Variants in MAP2K6 observed in about 807,000 individuals in gnomAD.
MAP2K6 encodes dual specificity mitogen-activated protein kinase kinase 6.
MAP2K6 carries 16 observed loss-of-function variants against 53.7 expected under a neutral mutation model. The ratio of observed to expected loss-of-function variants is 0.30; its 90% CI spans 0.20 to 0.45. The LOEUF is 0.45. Ranked by LOEUF, MAP2K6 falls within the 20% of genes least tolerant of loss-of-function variation. The pLI, the probability that MAP2K6 is intolerant of heterozygous loss-of-function variation, is 1.00. For synonymous variants in MAP2K6, 132 were observed against 143.1 expected (o/e 0.92, Z 0.55); for missense variants, 204 against 411.9 (o/e 0.50, Z 4.37).
intron 1 of MAP2K6, among the ~76,000 whole-genome samples, chr17:69,428,720 A>G (rs1297713919): frequency 6.6e-6 from 1 of 152,112 alleles, no homozygotes; most frequent in African/African-American, 2.4e-5. Context: ...GAAGATCAGG[A>G]GTCTGTTGGT....
chr17:69,483,769 T>A (rs1908428972), intron 1 of MAP2K6, among the ~76,000 whole-genome samples: 1 of 152,008 alleles, frequency 6.6e-6, no homozygotes, highest in Non-Finnish European at 1.5e-5. Context: ...TGGAATAGAA[T>A]CGAAAGTCCA....
chr17:69,513,718 A>T (rs1909990862), intron 2 of MAP2K6, among the ~76,000 whole-genome samples: 1 of 152,212 alleles, frequency 6.6e-6, no homozygotes, highest in Admixed American at 6.5e-5. Flanking sequence ...ATATATATAA[A>T]ATATAAGAAT....
intron 1 of MAP2K6, among the ~76,000 whole-genome samples, chr17:69,491,296 A>C (rs1348067610): frequency 2.0e-5 from 3 of 152,138 alleles, no homozygotes; most frequent in Non-Finnish European, 4.4e-5. Context: ...GGCACGTGCC[A>C]CCACGCCCGG....
At chr17:69,483,452 A>G (rs1030277680) in intron 1 of MAP2K6, among the ~76,000 whole-genome samples, 2 of 152,094 alleles carry the variant, frequency 1.3e-5, no homozygotes, top group African/African-American at 2.4e-5. Flanking sequence ...TTATTAAAGA[A>G]GATCTAAATA....
At chr17:69,472,677 T>C (rs1213752520) in intron 1 of MAP2K6, among the ~76,000 whole-genome samples, 1 of 152,170 alleles carries the variant, frequency 6.6e-6, no homozygotes, top group African/African-American at 2.4e-5. Flanking sequence ...CTGGAGTAAT[T>C]GGCAACATCA....
chr17:69,529,432 C>T (rs1052086329), intron 10 of MAP2K6, among the ~76,000 whole-genome samples: 7 of 151,876 alleles, frequency 4.6e-5, no homozygotes, highest in Non-Finnish European at 1.0e-4. Context: ...GGAATTTTCT[C>T]CGAAGAATCA....
In MAP2K6 at chr17:69,541,951, A is replaced by G. The variant is rs975640815; in HGVS notation, c.*198A>G. ...CTATAGTATAGAATGAACTGTCTAG[A>G]TGGATGAATTATGATAAAGGCTTAG... On this transcript the variant is annotated 3_prime_UTR_variant, in exon 12 of 12. Coordinates refer to ENST00000590474, the MANE Select transcript of MAP2K6 (RefSeq NM_002758.4). 2 of 402,416 alleles carry G rather than the reference A, an allele frequency of 5.0e-6. No individual in the cohort carries two copies. The highest frequency in any genetic ancestry group is 4.1e-5 in the African/African-American group (2 of 48,446). 24.9% of individuals were successfully genotyped at this position (402,416 alleles called of 1,614,324 possible). A position where few individuals can be genotyped will look rare whatever the true frequency, so the allele number is the denominator to read the frequency against.
chr17:69,500,657 G>A (rs1249843340), intron 1 of MAP2K6, among the ~76,000 whole-genome samples: 1 of 151,726 alleles, frequency 6.6e-6, no homozygotes, highest in African/African-American at 2.4e-5. Context: ...TCAGGAGGCT[G>A]AGGCAGGAGA....
chr17:69,502,439 G>T, intron 1 of MAP2K6: 1 of 985,450 alleles, frequency 1.0e-6, no homozygotes. Flanking sequence ...GCAGAGTGTT[G>T]CTGTGTGTGC....
chr17:69,512,337 T>C (rs1909881938), intron 2 of MAP2K6, among the ~76,000 whole-genome samples: 1 of 73,594 alleles, frequency 1.4e-5, no homozygotes, highest in South Asian at 5.0e-4. Flanking sequence ...TGTTTTTTTT[T>C]TGTTTTTTTT....
chr17:69,428,119 A>C (rs575666628), intron 1 of MAP2K6, among the ~76,000 whole-genome samples: 1 of 152,186 alleles, frequency 6.6e-6, no homozygotes, highest in East Asian at 1.9e-4. Flanking sequence ...GAATCCTCTT[A>C]CTACCCTCAA....
At chr17:69,537,904 A>G (rs1309914790) in intron 11 of MAP2K6, among the ~76,000 whole-genome samples, 1 of 152,022 alleles carries the variant, frequency 6.6e-6, no homozygotes, top group Non-Finnish European at 1.5e-5. Flanking sequence ...GGTTCTGTTT[A>G]CTCTTTTTAA....
At chr17:69,466,560 TC>T (rs2145176553) in intron 1 of MAP2K6, among the ~76,000 whole-genome samples, 1 of 152,318 alleles carries the variant, frequency 6.6e-6, no homozygotes, top group East Asian at 1.9e-4. Flanking sequence ...CGGCACTGCA[TC>T]CCCTCCAGTG....
chr17:69,541,142 A>G (rs1406088522), intron 11 of MAP2K6, among the ~76,000 whole-genome samples: 1 of 152,184 alleles, frequency 6.6e-6, no homozygotes, highest in Non-Finnish European at 1.5e-5. Context: ...ATGCACCTGT[A>G]ATCCCAGCTA....
intron 10 of MAP2K6, among the ~76,000 whole-genome samples, chr17:69,532,266 G>T (rs962694397): frequency 6.6e-6 from 1 of 152,172 alleles, no homozygotes; most frequent in African/African-American, 2.4e-5. Flanking sequence ...CTTGAAACGC[G>T]CAATGTGTTT....
intron 1 of MAP2K6, among the ~76,000 whole-genome samples, chr17:69,481,405 T>C (rs1007686723): frequency 2.0e-5 from 3 of 152,196 alleles, no homozygotes; most frequent in Admixed American, 6.5e-5. Flanking sequence ...TATTTATCTG[T>C]CAGTGGACAC....
intron 1 of MAP2K6, among the ~76,000 whole-genome samples, chr17:69,430,527 C>T (rs1906428940): frequency 6.6e-6 from 1 of 152,198 alleles, no homozygotes; most frequent in Non-Finnish European, 1.5e-5. Context: ...CTTTGTTCAT[C>T]TAGCTATTAT....
chr17:69,543,486 C>T lies in MAP2K6; in HGVS notation c.*1733C>T. On this transcript the variant is annotated 3_prime_UTR_variant, in exon 12 of 12. Coordinates refer to ENST00000590474, the MANE Select transcript of MAP2K6 (RefSeq NM_002758.4). ...TATCTGCTTGATTAAACATGAGCTT[C>T]CTCTGCTCTGAAGCTACCTCTGTCC... 6.6e-6 allele frequency: 1 copy of T among 152,156 alleles called. No homozygotes were observed. Among genetic ancestry groups the T allele is most frequent in the East Asian group, 1.9e-4 (1 of 5,184 alleles). 9.4% of individuals were successfully genotyped at this position (152,156 alleles called of 1,614,324 possible).
intron 1 of MAP2K6, among the ~76,000 whole-genome samples, chr17:69,425,606 C>T (rs1028601158): frequency 5.9e-5 from 9 of 152,198 alleles, no homozygotes; most frequent in Admixed American, 6.5e-5. Flanking sequence ...CCACCGCACC[C>T]GGCCTAAACC....
Sources: allele counts gnomAD v4.1 joint callset (sites outside exome capture counted in the v4.1 genomes callset), GRCh38; gene constraint gnomAD v4.1.1; transcripts MANE v1.5; gene names NCBI Gene and HGNC (gene_info 2026-07-23, HGNC 2026-07-21).